The following HNF4A variants were observed in gnomAD, a reference collection of about 807,000 sequenced individuals.
HNF4A encodes hepatocyte nuclear factor 4-alpha.
Under a neutral mutation model 52.4 loss-of-function variants are expected in HNF4A, and 15 were observed. The observed-to-expected ratio is 0.29, with a 90% CI of 0.19 to 0.44. HNF4A has a LOEUF of 0.44. HNF4A is among the 20% of genes least tolerant of loss of function. The probability of loss-of-function intolerance (pLI) is 1.00; values close to 1 mark genes in which losing one functional copy is unlikely to be tolerated. For synonymous variants in HNF4A, 280 were observed against 264.4 expected, an observed-to-expected ratio of 1.06 and a Z score of -0.57; for missense variants, 479 against 647.2, an observed-to-expected ratio of 0.74 and a Z score of 2.82.
At chr20:44,387,879 A>T (rs955670596) in intron 1 of HNF4A, among the ~76,000 whole-genome samples, 3 of 152,186 alleles carry the variant, frequency 2.0e-5, no homozygotes, top group African/African-American at 7.2e-5. Flanking sequence ...CATGAGAAAC[A>T]CAACACAAAG....
intron 1 of HNF4A, among the ~76,000 whole-genome samples, chr20:44,389,211 C>A (rs1483139226): frequency 6.6e-6 from 1 of 152,246 alleles, no homozygotes; most frequent in Non-Finnish European, 1.5e-5. Context: ...CAGGTGCTAT[C>A]ACATCGCGCT....
upstream of HNF4A, among the ~76,000 whole-genome samples, chr20:44,399,721 C>T (rs1248636770): frequency 6.6e-6 from 1 of 152,182 alleles, no homozygotes; most frequent in East Asian, 1.9e-4. Context: ...AATTTACCCT[C>T]ATTCGTTCAT....
chr20:44,356,555 A>C (rs961809800), intron 1 of HNF4A, among the ~76,000 whole-genome samples: 1 of 152,148 alleles, frequency 6.6e-6, no homozygotes, highest in Non-Finnish European at 1.5e-5. Flanking sequence ...TGTTCAAGGA[A>C]ACAACGCACA....
chr20:44,430,697 G>A lies in HNF4A; in HGVS notation c.*1032G>A, dbSNP rs1045570067. On this transcript the variant is annotated 3_prime_UTR_variant, in exon 10 of 10. Coordinates refer to ENST00000316099, the MANE Select transcript of HNF4A (RefSeq NM_000457.6). ...GGCTGAGGTCCTGATCAGCTTCAAG[G>A]AGTATGCAGGGAGCTGGGCTTCCAG... The A allele has an allele frequency of 2.0e-5, 3 of 152,568 alleles. No homozygotes were observed. The highest frequency in any genetic ancestry group is 7.2e-5 in the African/African-American group (3 of 41,456). 9.5% of individuals were successfully genotyped at this position (152,568 alleles called of 1,614,324 possible).
rs1437290704 is a variant in HNF4A at position 44,429,702 on chromosome 20, C to T, written c.*37C>T. The stretch of plus-strand genomic sequence containing the variant: ...GGCTTGGGGGCTCCACTGGCTCCCC[C>T]CAGCCCCCTAAGAGAGCACCTGGTG... On this transcript the variant is annotated 3_prime_UTR_variant, in exon 10 of 10. Coordinates refer to ENST00000316099, the MANE Select transcript of HNF4A (RefSeq NM_000457.6). The T allele has an allele frequency of 1.2e-6, 2 of 1,609,292 alleles. No homozygotes were observed. Among genetic ancestry groups the T allele is most frequent in the East Asian group, 4.5e-5 (2 of 44,816 alleles).
chr20:44,411,672 C>T (rs994386015), intron 3 of HNF4A, among the ~76,000 whole-genome samples: 5 of 152,176 alleles, frequency 3.3e-5, no homozygotes, highest in Non-Finnish European at 7.3e-5. Flanking sequence ...AAGGATTTGA[C>T]TTTTATTCTC....
intron 1 of HNF4A, among the ~76,000 whole-genome samples, chr20:44,405,099 T>TGTG (rs1600705471): frequency 1.0e-4 from 1 of 9,802 alleles, no homozygotes; most frequent in Admixed American, 1.1e-3. Flanking sequence ...TGTGTGTGCT[T>TGTG]GTGCGTAGCG....
rs2063854238 is a variant in HNF4A, at chr20:44,429,655, A to G, written c.1415A>G (p.Glu472Gly). ...CCCCAGCCGACCATCACCAAGCAGGAAGTTATCTAGCAAGCCGCTGGGGCT... is the reference window on the plus strand; with the variant it reads ...CCCCAGCCGACCATCACCAAGCAGGGAGTTATCTAGCAAGCCGCTGGGGCT... The change falls in exon 10 of 10, where the codon GAA (glutamate) becomes GGA (glycine). Residue 472 changes from glutamate (E) to glycine (G), a missense_variant. Physicochemically the swap from Glu to Gly is moderately conservative, Grantham distance 98. This residue lies in a region of HNF4A where 389 missense variants were observed against 525.1 expected (regional missense o/e 0.74). Transcript: ENST00000316099. The G allele has an allele frequency of 6.2e-7, 1 of 1,613,952 alleles. No homozygotes were observed. The highest frequency in any genetic ancestry group is 1.7e-5 in the Admixed American group (1 of 60,012).
chr20:44,382,034 A>G (rs1031717253), intron 1 of HNF4A, among the ~76,000 whole-genome samples: 3 of 152,198 alleles, frequency 2.0e-5, no homozygotes, highest in African/African-American at 7.2e-5. Flanking sequence ...ATTGATTCCT[A>G]TTTTATAGAT....
In HNF4A at chr20:44,363,967, G is replaced by C. The variant is rs138576596; in HGVS notation, c.49+8114G>C. 6.8e-3 allele frequency among the ~76,000 whole-genome samples: 1,036 copies of C among 152,258 alleles called. 21 individuals are homozygous for C. The highest frequency in any genetic ancestry group is 0.024 in the African/African-American group (1,002 of 41,550). ...GGCCTCCCAAAGTGCTGGGATTACA[G>C]GTGTAAGCCACAGCACCCAGCCTCC... On this transcript the variant is annotated intron_variant, in intron 1 of 9. Transcript: ENST00000316673.
chr20:44,390,654 C>T, intron 1 of HNF4A: 2 of 702,514 alleles, frequency 2.8e-6, no homozygotes, highest in South Asian at 3.0e-5. Flanking sequence ...CGGACTGGGG[C>T]CAGGGCTTCC....
intron 1 of HNF4A, among the ~76,000 whole-genome samples, chr20:44,378,337 G>A (rs190398434): frequency 2.0e-5 from 3 of 149,824 alleles, no homozygotes; most frequent in Admixed American, 6.7e-5. Context: ...GCGTGATCTC[G>A]GCTCACTACA....
At chr20:44,390,636 G>A in intron 1 of HNF4A, 1 of 702,556 alleles carries the variant, frequency 1.4e-6, no homozygotes, top group Non-Finnish European at 2.6e-6. Context: ...GCAGCAGGAG[G>A]AGGATGTCGG....
intron 1 of HNF4A, among the ~76,000 whole-genome samples, chr20:44,387,786 G>C (rs1046097467): frequency 6.6e-6 from 1 of 151,920 alleles, no homozygotes; most frequent in African/African-American, 2.4e-5. Context: ...GCATAAGGTT[G>C]GCTGGGGTGG....
intron 3 of HNF4A, 28 bp downstream of exon 3, chr20:44,407,503 A>C: frequency 6.9e-7 from 1 of 1,450,938 alleles, no homozygotes. Flanking sequence ...CCGCCCCACC[A>C]CCACTGCCCC....
intron 1 of HNF4A, among the ~76,000 whole-genome samples, chr20:44,381,699 C>T (rs573201265): frequency 6.6e-6 from 1 of 152,324 alleles, no homozygotes; most frequent in Non-Finnish European, 1.5e-5. Flanking sequence ...CAACCTCTGC[C>T]TCCCAGGTTC....
chr20:44,414,540 A>T lies in HNF4A; in HGVS notation c.526A>T (p.Ile176Phe). ...CCCCGTCTCCGGGATCAACGGCGACATTCGGGCGAAGAAGATTGCCAGCAT... is the reference window on the plus strand; with the variant it reads ...CCCCGTCTCCGGGATCAACGGCGACTTTCGGGCGAAGAAGATTGCCAGCAT... The change falls in exon 5 of 10, where the codon ATT (isoleucine) becomes TTT (phenylalanine). Residue 176 changes from isoleucine to phenylalanine, a missense_variant. Ile to Phe is a conservative substitution (Grantham distance 21). Coordinates refer to ENST00000316099, the MANE Select transcript of HNF4A (RefSeq NM_000457.6). 6.2e-7 allele frequency: 1 copy of T among 1,614,230 alleles called. No individual in the cohort carries two copies. Among genetic ancestry groups the T allele is most frequent in the African/African-American group, 1.3e-5 (1 of 75,060 alleles).
rs1290721099 is a variant in HNF4A, at chr20:44,429,679, C to T, written c.*14C>T. Reference sequence around the variant, plus strand: ...GAAGTTATCTAGCAAGCCGCTGGGGCTTGGGGGCTCCACTGGCTCCCCCCA... The same window carrying T: ...GAAGTTATCTAGCAAGCCGCTGGGGTTTGGGGGCTCCACTGGCTCCCCCCA... On this transcript the variant is annotated 3_prime_UTR_variant, in exon 10 of 10. Coordinates refer to ENST00000316099, the MANE Select transcript of HNF4A (RefSeq NM_000457.6). 1 of 1,613,824 alleles carries T rather than the reference C, an allele frequency of 6.2e-7. No individual in the cohort carries two copies. Among genetic ancestry groups the T allele is most frequent in the African/African-American group, 1.3e-5 (1 of 74,904 alleles).
rs181396260 is a variant in HNF4A, at chr20:44,385,720, T to C, written c.50-20338T>C. On this transcript the variant is annotated intron_variant, in intron 1 of 9. Transcript: ENST00000316673. ...TTAGTCTCCAGTGATCCACCTGCCT[T>C]GGCCTCCCAAAGTGTTGGGATTACA... Among the ~76,000 whole-genome samples the C allele has an allele frequency of 4.5e-3, 684 of 151,536 alleles. 3 individuals carry two copies. The highest frequency in any genetic ancestry group is 0.016 in the African/African-American group (641 of 41,326).
Sources: allele counts gnomAD v4.1 joint callset (sites outside exome capture counted in the v4.1 genomes callset), GRCh38; gene constraint gnomAD v4.1.1; regional missense constraint gnomAD v4.1.1; transcripts MANE v1.5; gene names NCBI Gene and HGNC (gene_info 2026-07-23, HGNC 2026-07-21).